The following FHOD3 variants were observed in gnomAD, a reference collection of about 807,000 sequenced individuals.
FHOD3 encodes formin homology 2 domain containing 3, also known as FH1/FH2 domain-containing protein 3.
In FHOD3, 90 loss-of-function variants were observed where a neutral mutation model predicts 173.0. That is an observed-to-expected ratio of 0.52 (90% confidence interval 0.44 to 0.62). The LOEUF (loss-of-function observed/expected upper bound fraction) is 0.62, where lower values mean the gene tolerates loss of function less well. Among genes scored for constraint, FHOD3 ranks in the 20% least tolerant of loss-of-function variants. The pLI is 0.00. For synonymous variants in FHOD3, 828 were observed against 823.0 expected, an observed-to-expected ratio of 1.01 and a Z score of -0.10; for missense variants, 1,945 against 2,034.7, an observed-to-expected ratio of 0.96 and a Z score of 0.85.
chr18:36,740,387 G>T (rs982421217), intron 20 of FHOD3, among the ~76,000 whole-genome samples: 8 of 152,038 alleles, frequency 5.3e-5, no homozygotes, highest in Admixed American at 5.2e-4. Context: ...ACTTCCTAGG[G>T]AATAGGGAGC....
intron 17 of FHOD3, among the ~76,000 whole-genome samples, chr18:36,707,933 C>T (rs780190899): frequency 6.6e-6 from 1 of 152,178 alleles, no homozygotes; most frequent in Non-Finnish European, 1.5e-5. Context: ...GGGCTTTGCT[C>T]AGCCTGAGGG....
chr18:36,322,866 C>G (rs1280145995), intron 1 of FHOD3, among the ~76,000 whole-genome samples: 1 of 152,224 alleles, frequency 6.6e-6, no homozygotes, highest in Admixed American at 6.5e-5. Context: ...CTCACTCATT[C>G]ATTCCACTGA....
At chr18:36,348,043 TCA>T (rs2045951137) in intron 1 of FHOD3, among the ~76,000 whole-genome samples, 8 of 152,196 alleles carry the variant, frequency 5.3e-5, no homozygotes, top group Non-Finnish European at 7.3e-5. Context: ...TATGGGGGAA[TCA>T]TTAGTCCATA....
chr18:36,471,563 T>G (rs921622258), intron 3 of FHOD3, among the ~76,000 whole-genome samples: 5 of 152,142 alleles, frequency 3.3e-5, no homozygotes, highest in African/African-American at 1.2e-4. Flanking sequence ...ATCAGAACAA[T>G]GGTCTATTCA....
At chr18:36,697,004 G>C (rs2039322699) in intron 17 of FHOD3, among the ~76,000 whole-genome samples, 1 of 152,214 alleles carries the variant, frequency 6.6e-6, no homozygotes, top group African/African-American at 2.4e-5. Flanking sequence ...GATTCTGAAA[G>C]CACCTAAGTG....
chr18:36,419,326 T>C (rs780733715), intron 3 of FHOD3, among the ~76,000 whole-genome samples: 2 of 151,802 alleles, frequency 1.3e-5, no homozygotes, highest in African/African-American at 2.4e-5. Context: ...TGAGTTCAAG[T>C]GGAGGCCTCC....
chr18:36,450,070 C>G lies in FHOD3; in HGVS notation c.338-51862C>G, dbSNP rs576130904. Among the ~76,000 whole-genome samples the G allele has an allele frequency of 3.3e-5, 5 of 152,180 alleles. No homozygotes were observed. In the South Asian group the frequency reaches 1.0e-3, roughly 32 times the overall value. On this transcript the variant is annotated intron_variant, in intron 3 of 28. Transcript: ENST00000590592. The stretch of plus-strand genomic sequence containing the variant: ...ATGTGTAATCTTTTATCCCTCACCC[C>G]GCTCCCACCCTTTCCCTGAGTCCCC...
intron 24 of FHOD3, among the ~76,000 whole-genome samples, chr18:36,752,021 A>T (rs1248108361): frequency 6.6e-6 from 1 of 152,216 alleles, no homozygotes; most frequent in Non-Finnish European, 1.5e-5. Context: ...GAAACTTACA[A>T]TCACAGTGGA....
intron 17 of FHOD3, among the ~76,000 whole-genome samples, chr18:36,706,600 T>C (rs890544919): frequency 1.3e-5 from 2 of 152,162 alleles, no homozygotes; most frequent in African/African-American, 4.8e-5. Context: ...GTCCTGCATG[T>C]TCAGTGGAAT....
At chr18:36,320,482 G>A (rs996749214) in intron 1 of FHOD3, among the ~76,000 whole-genome samples, 1 of 152,208 alleles carries the variant, frequency 6.6e-6, no homozygotes, top group Non-Finnish European at 1.5e-5. Context: ...TGAAATTGAG[G>A]CAATAATTAA....
intron 3 of FHOD3, among the ~76,000 whole-genome samples, chr18:36,483,629 G>A (rs112463907): frequency 6.6e-6 from 1 of 152,042 alleles, no homozygotes; most frequent in African/African-American, 2.4e-5. Flanking sequence ...ACATGAACAG[G>A]GTAGGTTTTA....
chr18:36,508,083 A>C (rs2055403131), intron 4 of FHOD3, among the ~76,000 whole-genome samples: 1 of 152,212 alleles, frequency 6.6e-6, no homozygotes, highest in Admixed American at 6.5e-5. Flanking sequence ...AAAACTGTTT[A>C]CAATAATCAT....
intron 3 of FHOD3, among the ~76,000 whole-genome samples, chr18:36,417,896 A>G (rs2049758288): frequency 6.6e-6 from 1 of 152,188 alleles, no homozygotes; most frequent in South Asian, 2.1e-4. Flanking sequence ...AATGCAGCTA[A>G]TCAACTTATA....
intron 6 of FHOD3, among the ~76,000 whole-genome samples, chr18:36,581,661 C>T (rs2148103280): frequency 1.3e-5 from 2 of 152,306 alleles, no homozygotes; most frequent in East Asian, 3.9e-4. Flanking sequence ...TGGCCAAGGC[C>T]CTCCTTGCAC....
chr18:36,682,642 G>A (rs551715381), intron 15 of FHOD3, among the ~76,000 whole-genome samples: 1 of 152,244 alleles, frequency 6.6e-6, no homozygotes, highest in South Asian at 2.1e-4. Flanking sequence ...GAGTACAGTG[G>A]CGCAATCTTG....
At chr18:36,665,580 G>A (rs963838507) in intron 14 of FHOD3, among the ~76,000 whole-genome samples, 1 of 151,606 alleles carries the variant, frequency 6.6e-6, no homozygotes, top group African/African-American at 2.4e-5. Flanking sequence ...GATTGGCCTG[G>A]TGGGGGGGCA....
chr18:36,364,133 T>C (rs1415536663), intron 2 of FHOD3, among the ~76,000 whole-genome samples: 2 of 152,186 alleles, frequency 1.3e-5, no homozygotes, highest in African/African-American at 4.8e-5. Context: ...CACACCCTTG[T>C]CATATCAAGA....
At chr18:36,686,331 T>C (rs1568606357) in intron 15 of FHOD3, among the ~76,000 whole-genome samples, 1 of 151,888 alleles carries the variant, frequency 6.6e-6, no homozygotes, top group Non-Finnish European at 1.5e-5. Flanking sequence ...GAAGCCATCA[T>C]TCTCAGCAAA....
chr18:36,548,836 A>C (rs1013372378), intron 5 of FHOD3, among the ~76,000 whole-genome samples: 6 of 152,120 alleles, frequency 3.9e-5, no homozygotes, highest in Admixed American at 3.3e-4. Context: ...GTTTTGGTGG[A>C]CATTTGGGTG....
Sources: gnomAD v4.1 joint callset for allele counts (sites outside exome capture counted in the v4.1 genomes callset) on GRCh38, gnomAD v4.1.1 for gene constraint, MANE v1.5 for transcripts, NCBI Gene and HGNC (gene_info 2026-07-23, HGNC 2026-07-21) for gene names.